Variants in REPS2 observed in about 807,000 individuals in gnomAD.
REPS2 encodes the protein RALBP1 associated Eps domain containing 2.
In REPS2, 23 loss-of-function variants were observed where a neutral mutation model predicts 53.6. The observed-to-expected ratio is 0.43, with a 90% CI of 0.31 to 0.61. The LOEUF (loss-of-function observed/expected upper bound fraction) is 0.61. Among genes scored for constraint, REPS2 ranks in the 20% least tolerant of loss-of-function variants. The pLI is 0.11. For synonymous variants in REPS2, 238 were observed against 218.6 expected, an observed-to-expected ratio of 1.09 and a Z score of -0.78; for missense variants, 446 against 534.9, an observed-to-expected ratio of 0.83 and a Z score of 1.64.
chrX:17,115,489 C>A (rs2063038681), intron 14 of REPS2, among the ~76,000 whole-genome samples: 2 of 111,415 alleles, frequency 1.8e-5, no homozygotes, highest in African/African-American at 3.3e-5. Context: ...GAGACAGATG[C>A]CTTCCTCTTG....
intron 1 of REPS2, among the ~76,000 whole-genome samples, chrX:16,958,636 C>A (rs1246986379): frequency 8.9e-6 from 1 of 111,833 alleles, no homozygotes; most frequent in Non-Finnish European, 1.9e-5. Context: ...AGAACTATGG[C>A]CAGAGAGGGG....
At chrX:16,982,193 C>G (rs1388947917) in intron 1 of REPS2, among the ~76,000 whole-genome samples, 1 of 111,847 alleles carries the variant, frequency 8.9e-6, no homozygotes, top group Non-Finnish European at 1.9e-5. Flanking sequence ...TCTGGATATA[C>G]CAGATTTTGT....
chrX:16,963,682 C>T (rs1262019972), intron 1 of REPS2, among the ~76,000 whole-genome samples: 12 of 112,123 alleles, frequency 1.1e-4, no homozygotes, highest in South Asian at 3.7e-4. Flanking sequence ...AATAAGTAAA[C>T]GACTTCTCTA....
intron 2 of REPS2, 38 bp downstream of exon 2, chrX:17,006,382 C>T (rs1420044564): frequency 8.7e-7 from 1 of 1,145,888 alleles, no homozygotes; most frequent in African/African-American, 1.8e-5. Context: ...TTGTCCATGG[C>T]GAGTCGCTCA....
At chrX:17,058,526 A>G (rs1466110607) in intron 8 of REPS2, among the ~76,000 whole-genome samples, 1 of 110,746 alleles carries the variant, frequency 9.0e-6, no homozygotes, top group Non-Finnish European at 1.9e-5. Flanking sequence ...GTATGTTAAC[A>G]GGAAAGAAGT....
At chrX:17,037,340 G>A (rs2061778796) in intron 5 of REPS2, among the ~76,000 whole-genome samples, 4 of 111,139 alleles carry the variant, frequency 3.6e-5, no homozygotes, top group Non-Finnish European at 7.5e-5. Flanking sequence ...ATGGAGTCTC[G>A]CTCTGTTGCC....
At chrX:16,955,096 A>G (rs1479767681) in intron 1 of REPS2, among the ~76,000 whole-genome samples, 1 of 111,236 alleles carries the variant, frequency 9.0e-6, no homozygotes, top group African/African-American at 3.3e-5. Context: ...TACAGGTGTG[A>G]GCCACCGCGC....
intron 13 of REPS2, among the ~76,000 whole-genome samples, chrX:17,085,708 C>CTATA (rs2062524194): frequency 9.0e-6 from 1 of 111,370 alleles, no homozygotes; most frequent in African/African-American, 3.3e-5. Flanking sequence ...TATATGCTGG[C>CTATA]TGCTCTGTTA....
intron 1 of REPS2, among the ~76,000 whole-genome samples, chrX:17,005,402 A>T (rs148332382): frequency 0.024 from 2,695 of 111,698 alleles, 76 homozygotes; most frequent in African/African-American, 0.083. Context: ...ACCCTCATGA[A>T]CCCACTACCA....
intron 3 of REPS2, among the ~76,000 whole-genome samples, chrX:17,024,129 A>T (rs956112550): frequency 1.0e-4 from 11 of 104,879 alleles, no homozygotes; most frequent in African/African-American, 4.1e-4. Context: ...TTTCAAAAAA[A>T]AAAAAAAAAA....
chrX:16,979,485 A>G (rs1357709368), intron 1 of REPS2, among the ~76,000 whole-genome samples: 2 of 112,042 alleles, frequency 1.8e-5, no homozygotes, highest in Admixed American at 9.4e-5. Flanking sequence ...TTTCTCTTCC[A>G]TAGTTAAGGC....
rs2062253729 is a variant in REPS2, at chrX:17,068,323, AAAT to A, written c.1210-78_1210-76del. ...TGCGAGACTCTGTCTCAAAAAAAAA[AAAT>A]TTTTTTTCATCATATGTGCGCATCA... On this transcript the variant is annotated intron_variant, in intron 9 of 17. Transcript: ENST00000357277. 14 of 861,332 alleles carry A rather than the reference AAAT, an allele frequency of 1.6e-5. 1 individual carries two copies. The highest frequency in any genetic ancestry group is 6.1e-5 in the Admixed American group (2 of 32,823). The allele number at this position is 861,332 out of a possible 1,213,427, so 71.0% of individuals were successfully genotyped here. A position where few individuals can be genotyped will look rare whatever the true frequency, so the allele number is the denominator to read the frequency against.
chrX:17,126,641 G>A (rs1016855434), intron 14 of REPS2, among the ~76,000 whole-genome samples: 2 of 111,981 alleles, frequency 1.8e-5, no homozygotes, highest in African/African-American at 6.5e-5. Flanking sequence ...TGTTTCCTAA[G>A]CTTATCTGTA....
At chrX:17,050,317 G>C (rs1250468146) in intron 6 of REPS2, among the ~76,000 whole-genome samples, 1 of 101,927 alleles carries the variant, frequency 9.8e-6, no homozygotes, top group African/African-American at 3.7e-5. Flanking sequence ...AGCCTCCCTA[G>C]TAGCTGGGAC....
the REPS2 span, among the ~76,000 whole-genome samples, chrX:17,180,315 G>A: frequency 1.8e-5 from 2 of 111,394 alleles, no homozygotes; most frequent in African/African-American, 3.3e-5. Flanking sequence ...GGAATAAAGG[G>A]CATGGAACTT....
chrX:17,195,465 G>T, the REPS2 span, among the ~76,000 whole-genome samples: 15,400 of 111,527 alleles, frequency 0.14, 818 homozygotes, highest in Admixed American at 0.18. Flanking sequence ...CTTGGCAGTT[G>T]GGGATAAAAA....
At chrX:17,086,343 C>T (rs1364481321) in intron 13 of REPS2, among the ~76,000 whole-genome samples, 3 of 112,203 alleles carry the variant, frequency 2.7e-5, no homozygotes, top group Non-Finnish European at 5.6e-5. Flanking sequence ...AATGGGTTTA[C>T]GTAGTATTGG....
At position 16,998,093 on chromosome X, in the gene REPS2, A is replaced by G. The variant is rs2061254246; in HGVS notation, c.274-8128A>G. 3.6e-5 allele frequency among the ~76,000 whole-genome samples: 4 copies of G among 111,472 alleles called. No individual in the cohort carries two copies. The South Asian group carries it at 1.5e-3, about 42-fold the overall frequency. On this transcript the variant is annotated intron_variant, in intron 1 of 17. Transcript: ENST00000357277. ...GACCCCCCATCTCTACAAAAAAACA[A>G]AAAAGTAGCCAGGTGTGATGGCACT...
At chrX:17,120,996 C>G (rs1391056883) in intron 14 of REPS2, among the ~76,000 whole-genome samples, 4 of 111,562 alleles carry the variant, frequency 3.6e-5, no homozygotes. Flanking sequence ...ATCATATGCC[C>G]GTGTCTGTGG....
Sources: gnomAD v4.1 joint callset for allele counts (sites outside exome capture counted in the v4.1 genomes callset) on GRCh38, gnomAD v4.1.1 for gene constraint, MANE v1.5 for transcripts, NCBI Gene and HGNC (gene_info 2026-07-23, HGNC 2026-07-21) for gene names.